ELP4: variants seen among roughly 807,000 people sequenced by gnomAD.
ELP4 encodes elongator complex protein 4.
A neutral mutation model predicts 48.9 loss-of-function variants in ELP4; 51 were observed. The ratio of observed to expected loss-of-function variants is 1.04; its 90% CI spans 0.83 to 1.32. The LOEUF (loss-of-function observed/expected upper bound fraction) is 1.32, where lower values mean the gene tolerates loss of function less well. Among genes scored for constraint, ELP4 ranks in the 40% most tolerant of loss-of-function variants. ELP4 has a pLI of 0.00. For synonymous variants in ELP4, 210 were observed against 189.2 expected, an observed-to-expected ratio of 1.11 and a Z score of -0.90; for missense variants, 519 against 514.6, an observed-to-expected ratio of 1.01 and a Z score of -0.08.
chr11:31,624,414 A>C (rs1398352599), intron 5 of ELP4, among the ~76,000 whole-genome samples: 2 of 151,660 alleles, frequency 1.3e-5, no homozygotes, highest in Non-Finnish European at 3.0e-5. Flanking sequence ...AAACACAGAA[A>C]AGGTTCAGTA....
chr11:31,781,691 A>G (rs1271950468), intron 9 of ELP4, among the ~76,000 whole-genome samples: 4 of 151,100 alleles, frequency 2.6e-5, no homozygotes, highest in Non-Finnish European at 4.4e-5. Flanking sequence ...TAGAGACGGG[A>G]TTTCACCATA....
intron 9 of ELP4, among the ~76,000 whole-genome samples, chr11:31,658,021 C>G (rs898717943): frequency 2.0e-5 from 3 of 151,918 alleles, no homozygotes; most frequent in Admixed American, 2.0e-4. Context: ...CTTAACTTAT[C>G]CGGAGTCACA....
chr11:31,716,801 A>G (rs555113856), intron 9 of ELP4, among the ~76,000 whole-genome samples: 1 of 152,374 alleles, frequency 6.6e-6, no homozygotes, highest in East Asian at 1.9e-4. Flanking sequence ...AGATGAGAAG[A>G]CAAAACTGAT....
chr11:31,766,319 G>C (rs1948039649), intron 9 of ELP4, among the ~76,000 whole-genome samples: 1 of 151,962 alleles, frequency 6.6e-6, no homozygotes, highest in African/African-American at 2.4e-5. Context: ...GGTCCTTATT[G>C]CAGTTCTAGT....
At chr11:31,681,250 A>G (rs758195274) in intron 9 of ELP4, among the ~76,000 whole-genome samples, 2 of 152,228 alleles carry the variant, frequency 1.3e-5, no homozygotes, top group Non-Finnish European at 2.9e-5. Context: ...GTCATGTATA[A>G]TTAGGCTTGG....
intron 9 of ELP4, among the ~76,000 whole-genome samples, chr11:31,685,943 A>AAAG (rs1946151584): frequency 1.3e-5 from 2 of 152,162 alleles, no homozygotes; most frequent in South Asian, 4.2e-4. Context: ...AAAAAAAAAA[A>AAAG]AAAATCTTTC....
At chr11:31,761,260 C>T (rs1947939771) in intron 9 of ELP4, among the ~76,000 whole-genome samples, 1 of 151,844 alleles carries the variant, frequency 6.6e-6, no homozygotes, top group Non-Finnish European at 1.5e-5. Context: ...ATCACTTGAA[C>T]CCAGGAGGTG....
At chr11:31,654,848 G>T (rs573026386) in intron 9 of ELP4, 1 of 151,862 alleles carries the variant, frequency 6.6e-6, no homozygotes, top group Non-Finnish European at 1.5e-5. Flanking sequence ...TAACTTGCTT[G>T]TCAACTCACA....
intron 2 of ELP4, among the ~76,000 whole-genome samples, chr11:31,520,606 A>C (rs1347902169): frequency 6.6e-6 from 1 of 152,084 alleles, no homozygotes; most frequent in African/African-American, 2.4e-5. Context: ...TAGGTCACAG[A>C]ATCTTGGAAT....
chr11:31,713,874 C>G (rs1946790221), intron 9 of ELP4, among the ~76,000 whole-genome samples: 1 of 152,096 alleles, frequency 6.6e-6, no homozygotes. Context: ...ACTAAACATA[C>G]AAACCTGCAA....
chr11:31,559,905 T>TAAA (rs11399608), intron 3 of ELP4, among the ~76,000 whole-genome samples: 84 of 131,428 alleles, frequency 6.4e-4, no homozygotes, highest in African/African-American at 2.0e-3. Flanking sequence ...AAACTCCGTC[T>TAAA]AAAAAAAAAA....
chr11:31,754,223 A>G (rs576925394), intron 9 of ELP4, among the ~76,000 whole-genome samples: 4 of 152,178 alleles, frequency 2.6e-5, no homozygotes, highest in South Asian at 4.2e-4. Context: ...ACACCATTCA[A>G]AGTAATCCTT....
At chr11:31,766,342 T>C (rs1046240024) in intron 9 of ELP4, among the ~76,000 whole-genome samples, 6 of 152,118 alleles carry the variant, frequency 3.9e-5, no homozygotes, top group Non-Finnish European at 7.4e-5. Flanking sequence ...TATATCTACC[T>C]GTTAACATGT....
chr11:31,734,220 A>G (rs891504536), intron 9 of ELP4, among the ~76,000 whole-genome samples: 3 of 152,228 alleles, frequency 2.0e-5, no homozygotes, highest in African/African-American at 7.2e-5. Flanking sequence ...TTATAGCAAC[A>G]TAATAAAGAC....
intron 7 of ELP4, among the ~76,000 whole-genome samples, chr11:31,634,691 T>C (rs1944935777): frequency 6.6e-6 from 1 of 151,986 alleles, no homozygotes; most frequent in South Asian, 2.1e-4. Flanking sequence ...CCTGAAACAA[T>C]ATTTTAACTT....
At chr11:31,611,346 G>A (rs1957974589) in intron 5 of ELP4, among the ~76,000 whole-genome samples, 1 of 152,042 alleles carries the variant, frequency 6.6e-6, no homozygotes, top group Non-Finnish European at 1.5e-5. Context: ...ATAATTAGTG[G>A]CTATCTTGTT....
chr11:31,705,884 G>C (rs951533934), intron 9 of ELP4, among the ~76,000 whole-genome samples: 1 of 151,754 alleles, frequency 6.6e-6, no homozygotes, highest in South Asian at 2.1e-4. Flanking sequence ...ACAGGGTCTT[G>C]CTCTGTCACC....
rs757190740 is a variant in ELP4 at position 31,643,624 on chromosome 11, T to TA, written c.928-4114dup. Among the ~76,000 whole-genome samples, 91 of 151,982 alleles carry TA rather than the reference T, an allele frequency of 6.0e-4. 1 individual carries two copies. Among genetic ancestry groups the TA allele is most frequent in the Admixed American group, 1.8e-3 (27 of 15,230 alleles). ...TGTAGGAGCTTTAAATGGCAGTGAT[T>TA]AAATTTTTATCTCTTAACAAAATTC... On this transcript the variant is annotated intron_variant, in intron 7 of 9. Transcript: ENST00000640961.
chr11:31,724,820 T>G (rs550504850), intron 9 of ELP4, among the ~76,000 whole-genome samples: 3 of 152,380 alleles, frequency 2.0e-5, no homozygotes, highest in Non-Finnish European at 4.4e-5. Context: ...CATATATCTT[T>G]GTGTTATTCT....
Sources: gnomAD v4.1 joint callset for allele counts (sites outside exome capture counted in the v4.1 genomes callset) on GRCh38, gnomAD v4.1.1 for gene constraint, MANE v1.5 for transcripts, NCBI Gene and HGNC (gene_info 2026-07-23, HGNC 2026-07-21) for gene names.